Variants in CASK observed in about 807,000 individuals in gnomAD.
CASK encodes the protein calcium/calmodulin dependent serine protein kinase, also known as peripheral plasma membrane protein CASK.
A neutral mutation model predicts 82.9 loss-of-function variants in CASK; 4 were observed. The ratio of observed to expected loss-of-function variants is 0.05; its 90% CI spans 0.02 to 0.11. CASK has a LOEUF of 0.11. Ranked by LOEUF, CASK falls within the 10% of genes least tolerant of loss-of-function variation. CASK has a pLI of 1.00. For missense variants in CASK, 358 were observed against 720.9 expected (o/e 0.50, Z 5.76); for synonymous variants, 259 against 253.5 (o/e 1.02, Z -0.20).
chrX:41,914,442 G>A (rs2072636050), intron 1 of CASK, among the ~76,000 whole-genome samples: 1 of 112,377 alleles, frequency 8.9e-6, no homozygotes, highest in African/African-American at 3.2e-5. Flanking sequence ...TATGTACAAC[G>A]AAGCAATCGT....
intron 1 of CASK, among the ~76,000 whole-genome samples, chrX:41,912,300 GTTT>G (rs774775542): frequency 3.8e-5 from 2 of 53,170 alleles, no homozygotes; most frequent in African/African-American, 1.5e-4. Flanking sequence ...TTTGTTTTCT[GTTT>G]TTTTTTTTTT....
intron 5 of CASK, among the ~76,000 whole-genome samples, chrX:41,711,131 G>C (rs563325638): frequency 5.4e-5 from 6 of 111,180 alleles, no homozygotes; most frequent in African/African-American, 2.0e-4. Flanking sequence ...CACAGCCTGG[G>C]GCTAGCCATT....
intron 11 of CASK, among the ~76,000 whole-genome samples, chrX:41,615,877 T>C (rs1216975558): frequency 3.6e-5 from 4 of 112,031 alleles, no homozygotes; most frequent in African/African-American, 1.3e-4. Flanking sequence ...TCCGCCTGCC[T>C]CAGCCTCCCA....
intron 3 of CASK, among the ~76,000 whole-genome samples, chrX:41,755,921 A>G (rs975761293): frequency 2.7e-5 from 3 of 112,205 alleles, no homozygotes; most frequent in Non-Finnish European, 3.8e-5. Context: ...TATCCTGTTC[A>G]CTGACAAGAA....
intron 16 of CASK, among the ~76,000 whole-genome samples, chrX:41,567,400 C>T (rs778920996): frequency 2.7e-5 from 3 of 111,925 alleles, no homozygotes; most frequent in Admixed American, 9.4e-5. Context: ...AAGAAAAAAA[C>T]AAAGAACCCC....
chrX:41,844,646 A>C (rs1236239588), intron 2 of CASK, among the ~76,000 whole-genome samples: 1 of 111,453 alleles, frequency 9.0e-6, no homozygotes, highest in Non-Finnish European at 1.9e-5. Context: ...ACCTTTTCAA[A>C]GAAACAACTT....
chrX:41,529,670 T>C (rs1454034670), intron 25 of CASK: 2 of 113,778 alleles, frequency 1.8e-5, no homozygotes, highest in Non-Finnish European at 3.7e-5. Context: ...GGATTAGTAG[T>C]TAAACAAAAA....
At chrX:41,816,007 C>T (rs182414464) in intron 2 of CASK, among the ~76,000 whole-genome samples, 51 of 111,055 alleles carry the variant, frequency 4.6e-4, no homozygotes, top group African/African-American at 1.4e-3. Context: ...ATTACAGGTA[C>T]ACACCACCAT....
intron 1 of CASK, among the ~76,000 whole-genome samples, chrX:41,883,357 C>T (rs1351195519): frequency 9.0e-6 from 1 of 111,603 alleles, no homozygotes; most frequent in Non-Finnish European, 1.9e-5. Context: ...TAAGCAGTAA[C>T]TCAGAGAAGT....
chrX:41,713,193 G>C (rs2068007892), intron 5 of CASK, among the ~76,000 whole-genome samples: 1 of 112,029 alleles, frequency 8.9e-6, no homozygotes, highest in Admixed American at 9.4e-5. Flanking sequence ...GTGGGGAAAG[G>C]GTAAAACTGA....
intron 3 of CASK, 106 bp from the exon 4 acceptor site, chrX:41,745,707 G>A: frequency 1.8e-6 from 1 of 561,692 alleles, no homozygotes; most frequent in Non-Finnish European, 3.1e-6. Context: ...TACTGCTAAG[G>A]GTTATGTTAT....
At chrX:41,837,142 C>A (rs1396666509) in intron 2 of CASK, among the ~76,000 whole-genome samples, 1 of 111,856 alleles carries the variant, frequency 8.9e-6, no homozygotes, top group Admixed American at 9.5e-5. Context: ...ATAAGGGAAA[C>A]CTTACAATTT....
At chrX:41,722,799 G>T (rs1469233883) in intron 5 of CASK, among the ~76,000 whole-genome samples, 1 of 112,324 alleles carries the variant, frequency 8.9e-6, no homozygotes, top group Non-Finnish European at 1.9e-5. Flanking sequence ...TCTTTTTTCG[G>T]ACCAAAGACG....
At chrX:41,608,681 G>GT (rs1211683319) in intron 12 of CASK, among the ~76,000 whole-genome samples, 1 of 112,367 alleles carries the variant, frequency 8.9e-6, no homozygotes, top group African/African-American at 3.2e-5. Flanking sequence ...GTCAGCTTCT[G>GT]TTTTTTCCTT....
At chrX:41,714,830 A>G (rs1354163682) in intron 5 of CASK, among the ~76,000 whole-genome samples, 1 of 112,143 alleles carries the variant, frequency 8.9e-6, no homozygotes, top group Non-Finnish European at 1.9e-5. Context: ...TGGGGATGGC[A>G]GTGCCCAGAA....
chrX:41,827,777 ATTTGT>A (rs943029220), intron 2 of CASK, among the ~76,000 whole-genome samples: 3 of 112,210 alleles, frequency 2.7e-5, no homozygotes, highest in Non-Finnish European at 5.6e-5. Flanking sequence ...TTTTTTGGAC[ATTTGT>A]TTTAACACTA....
Position 41,788,578 on chromosome X carries a change from C to T in CASK, c.173-1295G>A, listed in dbSNP as rs752615246. On this transcript the variant is annotated intron_variant, in intron 2 of 26. Coordinates refer to ENST00000378163, the MANE Select transcript of CASK (RefSeq NM_001367721.1). ...TTAGTCTTGTCAACAGAGCAATGATCGTAGATGGAACCTTAGAAGATTGAC... is the reference window on the plus strand; with the variant it reads ...TTAGTCTTGTCAACAGAGCAATGATTGTAGATGGAACCTTAGAAGATTGAC... Among the ~76,000 whole-genome samples, 16 of 111,421 alleles carry T rather than the reference C, an allele frequency of 1.4e-4. 1 individual carries two copies. The highest frequency in any genetic ancestry group is 9.6e-4 in the Admixed American group (10 of 10,443).
Position 41,671,520 on chromosome X carries a change from A to G in CASK, c.440T>C (p.Val147Ala). The change falls in exon 6 of 27, where the codon GTT (valine) becomes GCT (alanine). Residue 147 changes from valine to alanine, a missense_variant. Physicochemically the swap from Val to Ala is moderately conservative, Grantham distance 64. Around this residue, in one of 5 missense-constraint regions of CASK, gnomAD observed 70 missense variants for 228.4 expected, o/e 0.31. Coordinates refer to ENST00000378163, the MANE Select transcript of CASK (RefSeq NM_001367721.1). ...CGAGTTTTCTTTTGAGGCAAGGAGA[A>G]CACAGTGGGGCTGAAAAGAAAAACA... is the stretch of plus-strand genomic sequence containing the variant. ...IIHRDVKPHC[V>A]LLASKENSAP... 8.4e-7 allele frequency: 1 copy of G among 1,186,934 alleles called. No homozygotes were observed. The highest frequency in any genetic ancestry group is 1.1e-6 in the Non-Finnish European group (1 of 872,999).
At chrX:41,803,984 A>C (rs2070058659) in intron 2 of CASK, among the ~76,000 whole-genome samples, 1 of 111,897 alleles carries the variant, frequency 8.9e-6, no homozygotes, top group African/African-American at 3.3e-5. Flanking sequence ...CATTACTTAG[A>C]TAAAAGTAAA....
Sources: allele counts gnomAD v4.1 joint callset (sites outside exome capture counted in the v4.1 genomes callset), GRCh38; gene constraint gnomAD v4.1.1; regional missense constraint gnomAD v4.1.1; transcripts MANE v1.5; gene names NCBI Gene and HGNC (gene_info 2026-07-23, HGNC 2026-07-21).